TEC: variants seen among roughly 807,000 people sequenced by gnomAD.
The protein encoded by TEC is tyrosine-protein kinase Tec.
In TEC, 72 loss-of-function variants were observed where a neutral mutation model predicts 93.0. The observed-to-expected ratio is 0.77, with a 90% confidence interval of 0.64 to 0.94. The LOEUF (loss-of-function observed/expected upper bound fraction) is 0.94, where lower values mean the gene tolerates loss of function less well. Ranked by LOEUF, TEC falls within the 40% of genes least tolerant of loss-of-function variation. The pLI is 0.00. For synonymous variants in TEC, 249 were observed against 247.7 expected, an observed-to-expected ratio of 1.01 and a Z score of -0.05; for missense variants, 630 against 757.9, an observed-to-expected ratio of 0.83 and a Z score of 1.98.
intron 1 of TEC, among the ~76,000 whole-genome samples, chr4:48,242,941 T>C (rs1234637223): frequency 6.6e-6 from 1 of 152,206 alleles, no homozygotes; most frequent in Non-Finnish European, 1.5e-5. Flanking sequence ...GTAAGATTAA[T>C]GGGGCTGAGG....
At chr4:48,142,257 G>A in intron 14 of TEC, among the ~76,000 whole-genome samples, 1 of 152,154 alleles carries the variant, frequency 6.6e-6, no homozygotes, top group Non-Finnish European at 1.5e-5. Context: ...GATAACTTGA[G>A]GTCAGGAGTT....
chr4:48,220,128 G>A (rs1723210317), intron 2 of TEC, among the ~76,000 whole-genome samples: 1 of 146,670 alleles, frequency 6.8e-6, no homozygotes, highest in Admixed American at 6.7e-5. Context: ...ATGGGGAGAT[G>A]GGGAGAACTC....
intron 9 of TEC, among the ~76,000 whole-genome samples, chr4:48,153,848 T>A (rs114509191): frequency 1.3e-5 from 2 of 152,180 alleles, no homozygotes; most frequent in African/African-American, 2.4e-5. Flanking sequence ...CACAAGGGAA[T>A]TGTAGCCTTA....
chr4:48,241,085 A>G (rs777540512), intron 1 of TEC, among the ~76,000 whole-genome samples: 2 of 152,206 alleles, frequency 1.3e-5, no homozygotes, highest in Non-Finnish European at 2.9e-5. Flanking sequence ...TACTGTTTGG[A>G]AAGTGTCTAA....
At chr4:48,231,074 G>A (rs1723631736) in intron 1 of TEC, among the ~76,000 whole-genome samples, 1 of 152,212 alleles carries the variant, frequency 6.6e-6, no homozygotes, top group Non-Finnish European at 1.5e-5. Context: ...TAATACAGAT[G>A]TCTAGGCTCC....
chr4:48,199,220 A>G (rs765426122), intron 2 of TEC, among the ~76,000 whole-genome samples: 26 of 152,224 alleles, frequency 1.7e-4, no homozygotes, highest in Non-Finnish European at 2.6e-4. Flanking sequence ...GATAAACAGC[A>G]TTAAATGAAC....
At chr4:48,265,657 G>T (rs4694892) in intron 1 of TEC, among the ~76,000 whole-genome samples, 29,482 of 151,050 alleles carry the variant, frequency 0.2, 3,317 homozygotes, top group East Asian at 0.41. Context: ...GGATTACAGG[G>T]GTGAGCCACC....
chr4:48,187,111 C>T (rs1721906133), intron 2 of TEC, among the ~76,000 whole-genome samples: 1 of 152,216 alleles, frequency 6.6e-6, no homozygotes, highest in Non-Finnish European at 1.5e-5. Flanking sequence ...CCTTGGGATG[C>T]TGTTAATCTA....
intron 2 of TEC, among the ~76,000 whole-genome samples, chr4:48,214,664 C>A (rs1723013968): frequency 6.6e-6 from 1 of 151,718 alleles, no homozygotes; most frequent in Non-Finnish European, 1.5e-5. Context: ...CCAGCCTAGG[C>A]AACATGGCAA....
chr4:48,144,955 T>C (rs1719841533), intron 14 of TEC, 124 bp downstream of exon 14: 1 of 820,460 alleles, frequency 1.2e-6, no homozygotes, highest in Admixed American at 2.3e-5. Context: ...TTACCAACTT[T>C]AAAAATAATG....
intron 2 of TEC, among the ~76,000 whole-genome samples, chr4:48,182,842 GA>G (rs1315054315): frequency 6.6e-6 from 1 of 152,018 alleles, no homozygotes; most frequent in Non-Finnish European, 1.5e-5. Context: ...AATTAAGTGA[GA>G]AAAAAATGTA....
rs762879939 is a variant in TEC, at chr4:48,137,509, A to G, written c.1813-10T>C. 1 of 1,613,170 alleles carries G rather than the reference A, an allele frequency of 6.2e-7. No individual in the cohort carries two copies. Among genetic ancestry groups the G allele is most frequent in the Admixed American group, 1.7e-5 (1 of 59,996 alleles). On this transcript the variant is annotated splice_polypyrimidine_tract_variant and intron_variant, in intron 17 of 17. Coordinates refer to ENST00000381501, the MANE Select transcript of TEC (RefSeq NM_003215.3). ...GCCTTCCCTCTGGTTTCTACAATTA[A>G]AAGTCAAAGAGAAGCTGTGGGTTCC...
chr4:48,253,109 A>C (rs958906657), intron 1 of TEC, among the ~76,000 whole-genome samples: 3 of 151,604 alleles, frequency 2.0e-5, no homozygotes, highest in Non-Finnish European at 4.4e-5. Context: ...GTAGTCTATA[A>C]AACACAGATT....
intron 9 of TEC, 110 bp from the exon 10 acceptor site, chr4:48,151,052 A>G: frequency 1.4e-6 from 1 of 721,766 alleles, no homozygotes; most frequent in South Asian, 3.5e-5. Context: ...ATTCTTTCCC[A>G]GAAAAAAATG....
At chr4:48,195,833 T>A (rs929577849) in intron 2 of TEC, among the ~76,000 whole-genome samples, 3 of 152,180 alleles carry the variant, frequency 2.0e-5, no homozygotes, top group African/African-American at 7.2e-5. Flanking sequence ...TGAAACTAAC[T>A]CTCATTCATC....
chr4:48,159,348 A>AT (rs1720528935), intron 8 of TEC, among the ~76,000 whole-genome samples: 1 of 152,158 alleles, frequency 6.6e-6, no homozygotes, highest in Admixed American at 6.5e-5. Context: ...CAGACATTAC[A>AT]TGGCAAGACA....
At chr4:48,255,068 A>T (rs1724304725) in intron 1 of TEC, among the ~76,000 whole-genome samples, 1 of 152,248 alleles carries the variant, frequency 6.6e-6, no homozygotes, top group Admixed American at 6.5e-5. Context: ...GGTTCTTTCA[A>T]ATGCACATAA....
intron 17 of TEC, 37 bp from the exon 18 acceptor site, chr4:48,137,536 G>A (rs1474499425): frequency 9.4e-6 from 15 of 1,588,930 alleles, no homozygotes; most frequent in Non-Finnish European, 1.3e-5. Flanking sequence ...GTGGGTTCCA[G>A]AATCCATTCC....
At chr4:48,218,293 T>C (rs896988226) in intron 2 of TEC, among the ~76,000 whole-genome samples, 2 of 152,196 alleles carry the variant, frequency 1.3e-5, no homozygotes, top group Non-Finnish European at 2.9e-5. Context: ...ACACTAATGA[T>C]TACATGGAGT....
Sources: gnomAD v4.1 joint callset for allele counts (sites outside exome capture counted in the v4.1 genomes callset) on GRCh38, gnomAD v4.1.1 for gene constraint, MANE v1.5 for transcripts, NCBI Gene and HGNC (gene_info 2026-07-23, HGNC 2026-07-21) for gene names.